The following LEMD3 variants were observed in gnomAD, a reference collection of about 807,000 sequenced individuals.
The protein encoded by LEMD3 is LEM domain containing 3.
LEMD3 carries 33 observed loss-of-function variants against 95.2 expected under a neutral mutation model. The observed-to-expected ratio is 0.35, with a 90% CI of 0.26 to 0.46. The LOEUF is 0.46. Ranked by LOEUF, LEMD3 falls within the 20% of genes least tolerant of loss-of-function variation. LEMD3 has a pLI of 1.00. For missense variants in LEMD3, 1,210 were observed against 1,192.8 expected, an observed-to-expected ratio of 1.01 and a Z score of -0.21; for synonymous variants, 525 against 474.6, an observed-to-expected ratio of 1.11 and a Z score of -1.38.
At chr12:65,171,964 C>T (rs1301199654) in intron 1 of LEMD3, 1 of 152,132 alleles carries the variant, frequency 6.6e-6, no homozygotes, top group African/African-American at 2.4e-5. Context: ...ACTACACTGA[C>T]GTAGGTGTAC....
chr12:65,236,429 T>G (rs1870774267), intron 4 of LEMD3, among the ~76,000 whole-genome samples: 1 of 152,088 alleles, frequency 6.6e-6, no homozygotes, highest in Admixed American at 6.5e-5. Context: ...ACGCCTGTAG[T>G]ATCACAGTTA....
rs372102296 is a variant in LEMD3, at chr12:65,227,490, A to C, written c.1695+8871A>C. 2.4e-4 allele frequency among the ~76,000 whole-genome samples: 37 copies of C among 152,310 alleles called. No individual in the cohort carries two copies. In the East Asian group the frequency reaches 4.6e-3, roughly 19 times the overall value. The stretch of plus-strand genomic sequence containing the variant: ...TTACTTCCGGGACCCCCATGGACAC[A>C]AAAATTTGTAGATGCTCAAGTTCTT... On this transcript the variant is annotated intron_variant, in intron 4 of 12. Transcript: ENST00000308330.
At chr12:65,178,388 T>C (rs1204901491) in intron 1 of LEMD3, among the ~76,000 whole-genome samples, 1 of 152,180 alleles carries the variant, frequency 6.6e-6, no homozygotes, top group East Asian at 1.9e-4. Context: ...CTTGTGAATC[T>C]CTACAGATAT....
intron 1 of LEMD3, among the ~76,000 whole-genome samples, chr12:65,205,994 A>G (rs1294580508): frequency 6.6e-6 from 1 of 152,158 alleles, no homozygotes; most frequent in Admixed American, 6.5e-5. Context: ...TCAGAAAACA[A>G]ATGGGCATAA....
chr12:65,173,188 A>G (rs980643764), intron 1 of LEMD3, among the ~76,000 whole-genome samples: 1 of 152,198 alleles, frequency 6.6e-6, no homozygotes, highest in East Asian at 1.9e-4. Context: ...ATAAGTGGGT[A>G]CCTTTATTAT....
At chr12:65,195,761 T>C (rs1869411329) in intron 1 of LEMD3, among the ~76,000 whole-genome samples, 1 of 152,180 alleles carries the variant, frequency 6.6e-6, no homozygotes, top group Non-Finnish European at 1.5e-5. Context: ...GTCATTGCCT[T>C]CTCCATTCTA....
chr12:65,183,256 A>T (rs1340355830), intron 1 of LEMD3, among the ~76,000 whole-genome samples: 1 of 152,098 alleles, frequency 6.6e-6, no homozygotes, highest in Non-Finnish European at 1.5e-5. Context: ...GATGAGATAG[A>T]TATTTTATGC....
chr12:65,213,151 A>G (rs536368221), intron 2 of LEMD3, among the ~76,000 whole-genome samples: 8 of 151,998 alleles, frequency 5.3e-5, no homozygotes, highest in African/African-American at 1.7e-4. Flanking sequence ...ACCTACTTAG[A>G]TTATAATTTA....
rs1217010152 is a variant in LEMD3 at position 65,236,812 on chromosome 12, G to GA, written c.1696-1683dup. ...TCATACAATGGAATACTATTTTGTT[G>GA]AAAAAAATAGGGTTTTTTCCATGTA... On this transcript the variant is annotated intron_variant, in intron 4 of 12. Coordinates refer to ENST00000308330, the MANE Select transcript of LEMD3 (RefSeq NM_014319.5). Among the ~76,000 whole-genome samples, 8 of 151,934 alleles carry GA rather than the reference G, an allele frequency of 5.3e-5. No individual in the cohort carries two copies. The South Asian group carries it at 8.3e-4, about 16-fold the overall frequency.
chr12:65,221,435 C>G (rs1199440937), intron 4 of LEMD3, among the ~76,000 whole-genome samples: 2 of 151,720 alleles, frequency 1.3e-5, no homozygotes, highest in Non-Finnish European at 2.9e-5. Flanking sequence ...GTTGCCCAGG[C>G]TGGTCTCAAA....
At chr12:65,173,714 A>G (rs898840953) in intron 1 of LEMD3, among the ~76,000 whole-genome samples, 3 of 152,230 alleles carry the variant, frequency 2.0e-5, no homozygotes, top group Non-Finnish European at 2.9e-5. Context: ...CATTTCTATA[A>G]ATGACATAGT....
intron 2 of LEMD3, among the ~76,000 whole-genome samples, chr12:65,215,297 C>T (rs1399650811): frequency 6.6e-6 from 1 of 152,150 alleles, no homozygotes; most frequent in Non-Finnish European, 1.5e-5. Flanking sequence ...CTGTTCCCTC[C>T]TTCCCTCCTT....
Position 65,247,764 on chromosome 12 carries a change from G to C in LEMD3, c.*1439G>C, listed in dbSNP as rs753923821. 6.6e-6 allele frequency: 1 copy of C among 152,466 alleles called. No homozygotes were observed. The highest frequency in any genetic ancestry group is 1.5e-5 in the Non-Finnish European group (1 of 67,984). The allele number at this position is 152,466 out of a possible 1,614,324, so 9.4% of individuals were successfully genotyped here. A position where few individuals can be genotyped will look rare whatever the true frequency, so the allele number is the denominator to read the frequency against. On this transcript the variant is annotated 3_prime_UTR_variant, in exon 13 of 13. Transcript: ENST00000308330. ...CTTGCACAGATAATGCACGTTTTCT[G>C]GTTAAGTAAACATGATGCACACTAT...
chr12:65,201,372 T>C (rs1483772451), intron 1 of LEMD3, among the ~76,000 whole-genome samples: 1 of 152,192 alleles, frequency 6.6e-6, no homozygotes, highest in Admixed American at 6.5e-5. Context: ...ATTGAATCTA[T>C]AGATCAAGTT....
At chr12:65,241,336 G>A (rs1870933985) in intron 9 of LEMD3, among the ~76,000 whole-genome samples, 1 of 151,674 alleles carries the variant, frequency 6.6e-6, no homozygotes, top group African/African-American at 2.4e-5. Flanking sequence ...ACTTAATGAA[G>A]CAACTTAGTA....
At chr12:65,216,167 T>C (rs1870104891) in intron 3 of LEMD3, 124 bp downstream of exon 3, 1 of 674,620 alleles carries the variant, frequency 1.5e-6, no homozygotes, top group African/African-American at 1.8e-5. Context: ...TTAGAAGTTT[T>C]CATTACCTAT....
Position 65,169,927 on chromosome 12 carries a change from T to A in LEMD3, c.331T>A (p.Ser111Thr), listed in dbSNP as rs1242048483. The change falls in exon 1 of 13, where the codon TCG becomes ACG. Residue 111 changes from serine to threonine, a missense_variant. Ser to Thr is a moderately conservative substitution (Grantham distance 58, BLOSUM62 1). Coordinates refer to ENST00000308330, the MANE Select transcript of LEMD3 (RefSeq NM_014319.5). ...LRTPGGLCRISASGPESLLGG... is the reference protein window; with the variant it reads ...LRTPGGLCRITASGPESLLGG... Reference sequence around the variant, plus strand: ...GACTCCTGGGGGCCTGTGCCGAATCTCGGCCTCTGGCCCAGAGAGCCTCCT... The same window carrying A: ...GACTCCTGGGGGCCTGTGCCGAATCACGGCCTCTGGCCCAGAGAGCCTCCT... The A allele has an allele frequency of 2.8e-6, 4 of 1,447,474 alleles. No homozygotes were observed. The highest frequency in any genetic ancestry group is 3.6e-6 in the Non-Finnish European group (4 of 1,105,126). The allele number at this position is 1,447,474 out of a possible 1,614,324, so 89.7% of individuals were successfully genotyped here. A position where few individuals can be genotyped will look rare whatever the true frequency, so the allele number is the denominator to read the frequency against.
rs147975629 is a variant in LEMD3, at chr12:65,211,136, G to A, written c.1560+173G>A. Among the ~76,000 whole-genome samples, 666 of 152,210 alleles carry A rather than the reference G, an allele frequency of 4.4e-3. 2 individuals are homozygous for A. The highest frequency in any genetic ancestry group is 0.015 in the African/African-American group (609 of 41,538). Reference sequence around the variant, plus strand: ...AAGGTTATTTTAGTCTAAAACAATAGGCTTTCTTATTCTGAGTATTCCCTA... The same window carrying A: ...AAGGTTATTTTAGTCTAAAACAATAAGCTTTCTTATTCTGAGTATTCCCTA... On this transcript the variant is annotated intron_variant, in intron 2 of 12. Coordinates refer to ENST00000308330, the MANE Select transcript of LEMD3 (RefSeq NM_014319.5).
intron 1 of LEMD3, among the ~76,000 whole-genome samples, chr12:65,173,089 T>G (rs1868607789): frequency 6.6e-6 from 1 of 152,226 alleles, no homozygotes; most frequent in Non-Finnish European, 1.5e-5. Flanking sequence ...CAGTTAGTAG[T>G]AGGGCTAAGA....
Sources: gnomAD v4.1 joint callset for allele counts (sites outside exome capture counted in the v4.1 genomes callset) on GRCh38, gnomAD v4.1.1 for gene constraint, MANE v1.5 for transcripts, NCBI Gene and HGNC (gene_info 2026-07-23, HGNC 2026-07-21) for gene names.